The following SPAG16 variants were observed in gnomAD, a reference collection of about 807,000 sequenced individuals.
SPAG16 encodes sperm-associated antigen 16 protein.
A neutral mutation model predicts 80.4 loss-of-function variants in SPAG16; 86 were observed. The ratio of observed to expected loss-of-function variants is 1.07; its 90% confidence interval spans 0.90 to 1.28. The LOEUF (loss-of-function observed/expected upper bound fraction) is 1.28, where lower values mean the gene tolerates loss of function less well. Among genes scored for constraint, SPAG16 ranks in the 50% most tolerant of loss-of-function variants. SPAG16 has a pLI of 0.00. For missense variants in SPAG16, 870 were observed against 765.3 expected, an observed-to-expected ratio of 1.14 and a Z score of -1.61; for synonymous variants, 294 against 265.9, an observed-to-expected ratio of 1.11 and a Z score of -1.03.
At chr2:214,195,310 T>TAGATAGATAGATAGATAGATAGAG (rs1553522823) in intron 15 of SPAG16, among the ~76,000 whole-genome samples, 10 of 151,240 alleles carry the variant, frequency 6.6e-5, no homozygotes, top group Non-Finnish European at 1.5e-5. Flanking sequence ...AGATGATAGA[T>TAGATAGATAGATAGATAGATAGAG]AGATAGATAG....
At chr2:213,517,638 T>C (rs1240582590) in intron 10 of SPAG16, among the ~76,000 whole-genome samples, 1 of 151,986 alleles carries the variant, frequency 6.6e-6, no homozygotes, top group Non-Finnish European at 1.5e-5. Flanking sequence ...CAGAATAGAA[T>C]AGAAAACTCA....
intron 15 of SPAG16, among the ~76,000 whole-genome samples, chr2:214,249,712 T>A (rs1690109985): frequency 6.6e-6 from 1 of 151,002 alleles, no homozygotes; most frequent in African/African-American, 2.4e-5. Flanking sequence ...ACATGGTGGA[T>A]ATAACAGTAT....
At chr2:213,789,928 A>T (rs2070586651) in intron 10 of SPAG16, among the ~76,000 whole-genome samples, 2 of 152,060 alleles carry the variant, frequency 1.3e-5, no homozygotes, top group South Asian at 4.1e-4. Context: ...TTTTGAGTCA[A>T]AACTGTGGTA....
At chr2:214,337,047 G>A (rs760106710) in intron 15 of SPAG16, among the ~76,000 whole-genome samples, 4 of 150,510 alleles carry the variant, frequency 2.7e-5, no homozygotes, top group African/African-American at 4.8e-5. Context: ...GGTACTTGAC[G>A]CCAGTCCCCC....
intron 9 of SPAG16, among the ~76,000 whole-genome samples, chr2:213,458,529 G>A (rs1025359580): frequency 2.6e-5 from 4 of 152,138 alleles, no homozygotes; most frequent in South Asian, 2.1e-4. Flanking sequence ...CTGAGATCGC[G>A]CCGCTGCACT....
At chr2:213,671,357 C>T (rs2063806018) in intron 10 of SPAG16, among the ~76,000 whole-genome samples, 1 of 152,084 alleles carries the variant, frequency 6.6e-6, no homozygotes, top group Non-Finnish European at 1.5e-5. Context: ...GCCCTTTTGG[C>T]TCTGTAGGTA....
intron 4 of SPAG16, among the ~76,000 whole-genome samples, chr2:213,311,580 A>C (rs951022194): frequency 6.6e-6 from 1 of 151,680 alleles, no homozygotes; most frequent in Non-Finnish European, 1.5e-5. Context: ...TCCCAAACTA[A>C]GCATACTAGT....
chr2:213,540,957 G>A (rs888065267), intron 10 of SPAG16, among the ~76,000 whole-genome samples: 2 of 152,262 alleles, frequency 1.3e-5, no homozygotes, highest in Non-Finnish European at 2.9e-5. Flanking sequence ...GTATGTGCGC[G>A]TGCATGTGTG....
chr2:213,768,020 A>G (rs541043021), intron 10 of SPAG16, among the ~76,000 whole-genome samples: 1 of 152,196 alleles, frequency 6.6e-6, no homozygotes, highest in African/African-American at 2.4e-5. Flanking sequence ...CAGTTTGGCA[A>G]TGGTGGGTAA....
intron 10 of SPAG16, among the ~76,000 whole-genome samples, chr2:213,572,994 C>G (rs895638814): frequency 2.0e-5 from 3 of 152,108 alleles, no homozygotes; most frequent in Non-Finnish European, 2.9e-5. Flanking sequence ...GGGAGTGACC[C>G]GATTTTCCAG....
At chr2:213,929,503 C>T (rs574594798) in intron 11 of SPAG16, among the ~76,000 whole-genome samples, 145 of 152,274 alleles carry the variant, frequency 9.5e-4, no homozygotes, top group Non-Finnish European at 1.9e-3. Context: ...TTCCTTCATC[C>T]AAACTGCACT....
intron 10 of SPAG16, among the ~76,000 whole-genome samples, chr2:213,788,937 T>C (rs2070514152): frequency 2.0e-5 from 3 of 151,962 alleles, no homozygotes; most frequent in Admixed American, 2.0e-4. Context: ...TTCTAAGTAG[T>C]ATAATTCCTT....
chr2:214,121,572 A>G (rs536492292), intron 14 of SPAG16, among the ~76,000 whole-genome samples: 1 of 151,998 alleles, frequency 6.6e-6, no homozygotes, highest in South Asian at 2.1e-4. Flanking sequence ...ATATTAGATA[A>G]TACATACAAT....
chr2:213,472,743 G>A (rs575272921), intron 9 of SPAG16, among the ~76,000 whole-genome samples: 1 of 150,930 alleles, frequency 6.6e-6, no homozygotes, highest in Non-Finnish European at 1.5e-5. Flanking sequence ...AACTCCATTA[G>A]TTACCTGACC....
intron 10 of SPAG16, among the ~76,000 whole-genome samples, chr2:213,667,583 A>G (rs2063655483): frequency 6.6e-6 from 1 of 152,240 alleles, no homozygotes. Context: ...TACTTCTACA[A>G]AGTCAAAGAG....
intron 12 of SPAG16, among the ~76,000 whole-genome samples, chr2:213,982,083 G>C (rs1161429091): frequency 2.6e-5 from 4 of 151,168 alleles, no homozygotes; most frequent in African/African-American, 9.8e-5. Context: ...TATGTCCTTA[G>C]TGAAATATAA....
chr2:213,444,346 T>G (rs557714125), intron 9 of SPAG16, among the ~76,000 whole-genome samples: 1 of 152,304 alleles, frequency 6.6e-6, no homozygotes, highest in Admixed American at 6.5e-5. Flanking sequence ...GCAGATATTT[T>G]ATCAGTTTCC....
At chr2:213,914,951 C>T (rs993224672) in intron 11 of SPAG16, among the ~76,000 whole-genome samples, 4 of 152,058 alleles carry the variant, frequency 2.6e-5, no homozygotes, top group Non-Finnish European at 5.9e-5. Context: ...CCTATTCTCA[C>T]ACTGCTGATA....
intron 14 of SPAG16, among the ~76,000 whole-genome samples, chr2:214,115,994 C>G (rs2053916676): frequency 6.6e-6 from 1 of 152,050 alleles, no homozygotes; most frequent in African/African-American, 2.4e-5. Flanking sequence ...GGCTGCAGAG[C>G]CCCAGTGGAG....
Sources: gnomAD v4.1 joint callset for allele counts (sites outside exome capture counted in the v4.1 genomes callset) on GRCh38, gnomAD v4.1.1 for gene constraint, MANE v1.5 for transcripts, NCBI Gene and HGNC (gene_info 2026-07-23, HGNC 2026-07-21) for gene names.